Variants in AP3B2 observed in about 807,000 individuals in gnomAD.
AP3B2 encodes the protein AP-3 complex subunit beta-2.
AP3B2 carries 50 observed loss-of-function variants against 126.9 expected under a neutral mutation model. The observed-to-expected ratio is 0.39, with a 90% CI of 0.31 to 0.50. The LOEUF (loss-of-function observed/expected upper bound fraction) is 0.50, where lower values mean the gene tolerates loss of function less well. AP3B2 is among the 20% of genes least tolerant of loss of function. The probability of loss-of-function intolerance (pLI) is 0.79; values close to 1 mark genes in which losing one functional copy is unlikely to be tolerated. For missense variants in AP3B2, 1,177 were observed against 1,426.4 expected, an observed-to-expected ratio of 0.83 and a Z score of 2.82; for synonymous variants, 541 against 565.0, an observed-to-expected ratio of 0.96 and a Z score of 0.60.
chr15:82,683,004 C>T (rs1189812000), intron 4 of AP3B2, among the ~76,000 whole-genome samples: 1 of 142,580 alleles, frequency 7.0e-6, no homozygotes, highest in African/African-American at 2.6e-5. Context: ...ATTCTAAATC[C>T]TTTGTTGTCA....
In AP3B2 at chr15:82,680,829, C is replaced by G; in HGVS notation, c.771+8G>C. The G allele has an allele frequency of 1.9e-6, 3 of 1,613,266 alleles. No homozygotes were observed. Among genetic ancestry groups the G allele is most frequent in the Non-Finnish European group, 2.5e-6 (3 of 1,179,554 alleles). On this transcript the variant is annotated splice_region_variant and intron_variant, in intron 7 of 26. Transcript: ENST00000535359. The surrounding 1 kb of genome is among the most constrained non-coding windows in gnomAD (Gnocchi z 6.1). Reference sequence around the variant, plus strand: ...TCGGCCCGCTCTGCCTGGGCTGGGCCCACTTACGTTCTGGGTGGGGCTCAG... The same window carrying G: ...TCGGCCCGCTCTGCCTGGGCTGGGCGCACTTACGTTCTGGGTGGGGCTCAG...
At chr15:82,662,302 G>A (rs1159002238) in intron 23 of AP3B2, 50 bp from the exon 24 acceptor site, 1 of 1,392,498 alleles carries the variant, frequency 7.2e-7, no homozygotes, top group Admixed American at 2.0e-5. Flanking sequence ...ACCATCACCT[G>A]ATAGGTCTAG....
chr15:82,681,719 G>C lies in AP3B2; in HGVS notation c.361-139C>G. 1 of 919,090 alleles carries C rather than the reference G, an allele frequency of 1.1e-6. No individual in the cohort carries two copies. The highest frequency in any genetic ancestry group is 2.8e-5 in the Admixed American group (1 of 35,714). The allele number at this position is 919,090 out of a possible 1,614,324, so 56.9% of individuals were successfully genotyped here. The stretch of plus-strand genomic sequence containing the variant: ...CGCTTGACTGGAGCCTGGATGGTGT[G>C]CCAGTGATGGGTATCTGGGGGACAC... On this transcript the variant is annotated intron_variant, in intron 4 of 26. Transcript: ENST00000535359. This position sits in a 1 kb window ranked among gnomAD's most constrained non-coding sequence, Gnocchi z 4.0.
chr15:82,695,868 T>TG (rs2048622368), intron 1 of AP3B2, among the ~76,000 whole-genome samples: 1 of 152,058 alleles, frequency 6.6e-6, no homozygotes, highest in Non-Finnish European at 1.5e-5. Flanking sequence ...AATCTAACAC[T>TG]AGATTGACTT....
At position 82,664,774 on chromosome 15, in the gene AP3B2, T is replaced by C; in HGVS notation, c.2137+61A>G. 7.7e-7 allele frequency: 1 copy of C among 1,305,178 alleles called. No homozygotes were observed. The highest frequency in any genetic ancestry group is 2.5e-5 in the East Asian group (1 of 39,914). The allele number at this position is 1,305,178 out of a possible 1,614,324, so 80.8% of individuals were successfully genotyped here. On this transcript the variant is annotated intron_variant, in intron 18 of 26. Transcript: ENST00000535359. This position sits in a 1 kb window ranked among gnomAD's most constrained non-coding sequence, Gnocchi z 4.5. Reference sequence around the variant, plus strand: ...CAACCATATACATATACCCCTCATATAGTCAGTCACACAGATGCATGGGCA... The same window carrying C: ...CAACCATATACATATACCCCTCATACAGTCAGTCACACAGATGCATGGGCA...
In AP3B2 at chr15:82,709,775, G is replaced by A. The variant is rs1034299922; in HGVS notation, c.-69C>T. 101 of 1,306,112 alleles carry A rather than the reference G, an allele frequency of 7.7e-5. 1 individual carries two copies. The highest frequency in any genetic ancestry group is 1.0e-4 in the Non-Finnish European group (100 of 990,690). 80.9% of individuals were successfully genotyped at this position (1,306,112 alleles called of 1,614,324 possible). A position where few individuals can be genotyped will look rare whatever the true frequency, so the allele number is the denominator to read the frequency against. On this transcript the variant is annotated 5_prime_UTR_variant, in exon 1 of 27. Transcript: ENST00000535359. ...GGAGGCCGGCTGGAGCGGAGGAAGG[G>A]AAGGCGGGCCGGTCCGGTCCGGGCT...
Position 82,681,373 on chromosome 15 carries a change from C to G in AP3B2, c.521+47G>C, listed in dbSNP as rs751201827. ...GGAAAGGCCAGGGGTGGGTTGAGAA[C>G]TTAGGAACCAGCCTCCTGGGGAGCG... On this transcript the variant is annotated intron_variant, in intron 5 of 26. Coordinates refer to ENST00000535359, the MANE Select transcript of AP3B2 (RefSeq NM_001278512.2). The surrounding 1 kb of genome is among the most constrained non-coding windows in gnomAD (Gnocchi z 4.0). 12 of 1,605,250 alleles carry G rather than the reference C, an allele frequency of 7.5e-6. No homozygotes were observed. Among genetic ancestry groups the G allele is most frequent in the Middle Eastern group, 1.7e-4 (1 of 6,014 alleles).
In AP3B2 at chr15:82,665,073, G is replaced by A. The variant is rs899049297; in HGVS notation, c.2029-130C>T. ...GGTCTGTCCCACAAAGGGAATAACA[G>A]AGGAGGAAGAAAGGGGCACTGTCCA... On this transcript the variant is annotated intron_variant, in intron 17 of 26. Transcript: ENST00000535359. This position sits in a 1 kb window ranked among gnomAD's most constrained non-coding sequence, Gnocchi z 4.4. 13 of 1,030,196 alleles carry A rather than the reference G, an allele frequency of 1.3e-5. No individual in the cohort carries two copies. The highest frequency in any genetic ancestry group is 1.9e-5 in the Non-Finnish European group (13 of 692,020). 63.8% of individuals were successfully genotyped at this position (1,030,196 alleles called of 1,614,324 possible). A position where few individuals can be genotyped will look rare whatever the true frequency, so the allele number is the denominator to read the frequency against.
chr15:82,659,464 G>GA lies in AP3B2; in HGVS notation c.*95dup, dbSNP rs2047896887. 1.3e-6 allele frequency: 2 copies of GA among 1,497,700 alleles called. No homozygotes were observed. Among genetic ancestry groups the GA allele is most frequent in the Non-Finnish European group, 1.8e-6 (2 of 1,097,534 alleles). 92.8% of individuals were successfully genotyped at this position (1,497,700 alleles called of 1,614,324 possible). On this transcript the variant is annotated 3_prime_UTR_variant, in exon 27 of 27. Transcript: ENST00000535359. ...CCTGAATGCTATCTGGCATGAGGAG[G>GA]ATGATGAGAGAGAGAGAGAAAGATG...
intron 1 of AP3B2, among the ~76,000 whole-genome samples, chr15:82,702,107 A>G (rs1042796268): frequency 4.6e-5 from 7 of 152,116 alleles, no homozygotes; most frequent in African/African-American, 1.7e-4. Flanking sequence ...AACTCATTTT[A>G]TACCTCCTCC....
Position 82,666,798 on chromosome 15 carries a change from T to C in AP3B2, c.1801A>G (p.Lys601Glu). 1 of 1,613,956 alleles carries C rather than the reference T, an allele frequency of 6.2e-7. No individual in the cohort carries two copies. The highest frequency in any genetic ancestry group is 8.5e-7 in the Non-Finnish European group (1 of 1,179,866). ...QGGALSRHAK[K>E]LFLAPKPAPV... ...GCTGGTTTGGGTGCCAGGAAGAGCT[T>C]CTTGGCATGGCGGCTGAGGGCCCCA... is the stretch of plus-strand genomic sequence containing the variant. Residue 601 changes from lysine (K) to glutamate (E), a missense_variant, in exon 15 of 27, where the codon AAG becomes GAG. By Grantham distance (56) the Lys-to-Glu change is moderately conservative. Transcript: ENST00000535359.
Position 82,689,149 on chromosome 15 carries a change from AGT to A in AP3B2, c.264+7_264+8del. On this transcript the variant is annotated splice_region_variant and intron_variant, in intron 3 of 26. Coordinates refer to ENST00000535359, the MANE Select transcript of AP3B2 (RefSeq NM_001278512.2). ...GGGGACAAGCAATCCCTCACCAGGT[AGT>A]GCTCACCTCTATGTTCTTACAGGCC... The A allele has an allele frequency of 6.2e-7, 1 of 1,613,828 alleles. No individual in the cohort carries two copies.
intron 1 of AP3B2, chr15:82,699,946 C>T (rs191300825): frequency 3.5e-4 from 139 of 398,900 alleles, no homozygotes; most frequent in African/African-American, 2.6e-3. Context: ...CCAGATGGCC[C>T]GCCCCCAAAA....
chr15:82,683,047 G>GGTTTTTTTT (rs2048368127), intron 4 of AP3B2, among the ~76,000 whole-genome samples: 1 of 77,716 alleles, frequency 1.3e-5, no homozygotes, highest in Non-Finnish European at 2.5e-5. Flanking sequence ...TGCACCAGGA[G>GGTTTTTTTT]TTTTTTTTTT....
chr15:82,667,019 C>T (rs895426350), intron 14 of AP3B2, 86 bp from the exon 15 acceptor site: 1 of 1,385,158 alleles, frequency 7.2e-7, no homozygotes, highest in Non-Finnish European at 1.0e-6. Context: ...CCGACACTTT[C>T]AGGCAGAACG....
chr15:82,699,967 G>A (rs183110114), intron 1 of AP3B2: 8,881 of 398,590 alleles, frequency 0.022, 141 homozygotes, highest in Non-Finnish European at 0.028. Flanking sequence ...CTTGGTAACC[G>A]GACACTGGCA....
chr15:82,664,275 G>A lies in AP3B2; in HGVS notation c.2261+92C>T, dbSNP rs2048011790. 1.3e-6 allele frequency: 2 copies of A among 1,591,492 alleles called. No homozygotes were observed. The highest frequency in any genetic ancestry group is 2.7e-5 in the African/African-American group (2 of 74,546). On this transcript the variant is annotated intron_variant, in intron 19 of 26. Coordinates refer to ENST00000535359, the MANE Select transcript of AP3B2 (RefSeq NM_001278512.2). This position sits in a 1 kb window ranked among gnomAD's most constrained non-coding sequence, Gnocchi z 4.5. ...CACCCAGCTCACGAGGGGCTCAGGG[G>A]CTCTTAGGAGACTGGCTAAAGCTCA...
chr15:82,675,014 C>G (rs1194405974), intron 14 of AP3B2, among the ~76,000 whole-genome samples: 1 of 152,184 alleles, frequency 6.6e-6, no homozygotes, highest in African/African-American at 2.4e-5. Flanking sequence ...CTGGGTGGCT[C>G]CCCACCCAGG....
Position 82,688,841 on chromosome 15 carries a change from A to G in AP3B2, c.265-10T>C. The G allele has an allele frequency of 1.2e-6, 2 of 1,606,096 alleles. No homozygotes were observed. Among genetic ancestry groups the G allele is most frequent in the Non-Finnish European group, 1.7e-6 (2 of 1,176,068 alleles). ...AGACAAGCTTCTTCACCTTGGGGAG[A>G]GCACGTTTCTCAGCAGAACGCTTCT... On this transcript the variant is annotated splice_polypyrimidine_tract_variant and intron_variant, in intron 3 of 26. Transcript: ENST00000535359.
Sources: gnomAD v4.1 joint callset for allele counts (sites outside exome capture counted in the v4.1 genomes callset) on GRCh38, gnomAD v4.1.1 for gene constraint, Gnocchi (gnomAD v3.1) non-coding constraint, MANE v1.5 for transcripts, NCBI Gene and HGNC (gene_info 2026-07-23, HGNC 2026-07-21) for gene names.